Variants in LINGO2 observed in about 807,000 individuals in gnomAD.
LINGO2 encodes the protein leucine rich repeat and Ig domain containing 2.
In LINGO2, 14 loss-of-function variants were observed where a neutral mutation model predicts 30.6. That is an observed-to-expected ratio of 0.46 (90% CI 0.30 to 0.72). The LOEUF (loss-of-function observed/expected upper bound fraction) is 0.72, where lower values mean the gene tolerates loss of function less well. Among genes scored for constraint, LINGO2 ranks in the 30% least tolerant of loss-of-function variants. LINGO2 has a pLI of 0.07. For missense variants in LINGO2, 729 were observed against 751.7 expected (o/e 0.97, Z 0.35); for synonymous variants, 317 against 288.5 (o/e 1.10, Z -1.00).
intron 1 of LINGO2, among the ~76,000 whole-genome samples, chr9:28,565,516 C>T (rs77117071): frequency 1.6e-4 from 23 of 142,226 alleles, no homozygotes; most frequent in African/African-American, 5.6e-4. Context: ...TTTTTTTTTA[C>T]AGACATCTAG....
the LINGO2 span, among the ~76,000 whole-genome samples, chr9:28,737,090 G>C: frequency 6.6e-6 from 1 of 152,140 alleles, no homozygotes; most frequent in Non-Finnish European, 1.5e-5. Flanking sequence ...GGAAAGTTCT[G>C]GGTTCAGGCA....
chr9:28,486,727 G>A (rs896788811), intron 1 of LINGO2, among the ~76,000 whole-genome samples: 3 of 151,916 alleles, frequency 2.0e-5, no homozygotes, highest in Non-Finnish European at 4.4e-5. Context: ...AAAATCTTGG[G>A]TTGACCCTCC....
At chr9:28,402,135 T>G (rs376452032) in intron 2 of LINGO2, among the ~76,000 whole-genome samples, 1 of 152,236 alleles carries the variant, frequency 6.6e-6, no homozygotes, top group African/African-American at 2.4e-5. Context: ...TGGATACAGT[T>G]AATGTCATGC....
At chr9:28,268,831 T>C (rs1016325544) in intron 4 of LINGO2, among the ~76,000 whole-genome samples, 2 of 152,102 alleles carry the variant, frequency 1.3e-5, no homozygotes, top group African/African-American at 4.8e-5. Context: ...AAGCAATTAG[T>C]AGATTACTTT....
At chr9:29,092,886 T>A in the LINGO2 span, among the ~76,000 whole-genome samples, 1 of 136,440 alleles carries the variant, frequency 7.3e-6, no homozygotes, top group African/African-American at 2.7e-5. Flanking sequence ...GAAAAAGATG[T>A]TTATTTTTAT....
chr9:28,879,378 G>T, the LINGO2 span, among the ~76,000 whole-genome samples: 2 of 152,022 alleles, frequency 1.3e-5, no homozygotes, highest in African/African-American at 4.8e-5. Context: ...TGCTCAGTTT[G>T]GTTTTTATTC....
intron 2 of LINGO2, among the ~76,000 whole-genome samples, chr9:28,385,171 C>A (rs1302876553): frequency 6.6e-6 from 1 of 152,096 alleles, no homozygotes; most frequent in East Asian, 1.9e-4. Flanking sequence ...GTTTTTATGG[C>A]CAATCTTAAA....
the LINGO2 span, among the ~76,000 whole-genome samples, chr9:29,083,586 T>TAA: frequency 6.9e-6 from 1 of 145,698 alleles, no homozygotes; most frequent in Non-Finnish European, 1.5e-5. Flanking sequence ...ATAATAATAA[T>TAA]AAAAAAAAGA....
chr9:28,859,810 C>T, the LINGO2 span, among the ~76,000 whole-genome samples: 1 of 151,556 alleles, frequency 6.6e-6, no homozygotes, highest in Non-Finnish European at 1.5e-5. Flanking sequence ...GTGCAGTACA[C>T]CAGGAACTGT....
rs186889356 is a variant in LINGO2, at chr9:28,320,878, G to A, written c.-245-25512C>T. ...TTATCATGGCAGGACACTGAAACTC[G>A]GGGAGCACTTTTAGCTAGCTTCAAA... On this transcript the variant is annotated intron_variant, in intron 3 of 5. Coordinates refer to ENST00000379992, the Ensembl canonical transcript of LINGO2. Among the ~76,000 whole-genome samples, 12 of 152,174 alleles carry A rather than the reference G, an allele frequency of 7.9e-5. No homozygotes were observed. The East Asian group carries it at 1.4e-3, about 17-fold the overall frequency.
intron 4 of LINGO2, among the ~76,000 whole-genome samples, chr9:28,015,742 T>G (rs1822797569): frequency 6.6e-6 from 1 of 152,014 alleles, no homozygotes. Flanking sequence ...TTTGTCCCTT[T>G]TCTACCCTCA....
At chr9:28,704,255 C>G in the LINGO2 span, among the ~76,000 whole-genome samples, 1 of 151,998 alleles carries the variant, frequency 6.6e-6, no homozygotes. Context: ...CCATTCTCTT[C>G]TTGCTTGCAA....
chr9:28,938,575 C>T, the LINGO2 span, among the ~76,000 whole-genome samples: 1 of 152,214 alleles, frequency 6.6e-6, no homozygotes, highest in East Asian at 1.9e-4. Flanking sequence ...TAACCATCAA[C>T]TTGGCACAAT....
intron 1 of LINGO2, among the ~76,000 whole-genome samples, chr9:28,631,903 C>A (rs556561765): frequency 6.6e-6 from 1 of 152,136 alleles, no homozygotes; most frequent in Non-Finnish European, 1.5e-5. Flanking sequence ...ATGTGTTAAG[C>A]TACTATGAAC....
At chr9:29,168,305 T>C in the LINGO2 span, among the ~76,000 whole-genome samples, 1 of 152,188 alleles carries the variant, frequency 6.6e-6, no homozygotes, top group Non-Finnish European at 1.5e-5. Flanking sequence ...TATTTGTATG[T>C]TTGATGTAAT....
intron 2 of LINGO2, among the ~76,000 whole-genome samples, chr9:28,386,344 T>C (rs10812793): frequency 0.34 from 52,179 of 152,024 alleles, 10,201 homozygotes; most frequent in Non-Finnish European, 0.42. Flanking sequence ...GAGACCCCTG[T>C]CTTTGTGTGG....
chr9:28,355,742 G>A (rs371492050), intron 3 of LINGO2, among the ~76,000 whole-genome samples: 6 of 152,188 alleles, frequency 3.9e-5, no homozygotes, highest in South Asian at 4.1e-4. Flanking sequence ...TTGCTTTTGC[G>A]TAGTATCTGT....
At chr9:28,766,662 T>C in the LINGO2 span, among the ~76,000 whole-genome samples, 1 of 152,034 alleles carries the variant, frequency 6.6e-6, no homozygotes, top group East Asian at 1.9e-4. Context: ...ACCTAAGATA[T>C]AAAATTACCT....
At chr9:28,008,465 T>C (rs1028844996) in intron 5 of LINGO2, among the ~76,000 whole-genome samples, 1 of 135,256 alleles carries the variant, frequency 7.4e-6, no homozygotes, top group African/African-American at 2.6e-5. Context: ...CTGAAGATTC[T>C]ACTCAAGACA....
Sources: allele counts gnomAD v4.1 joint callset (sites outside exome capture counted in the v4.1 genomes callset), GRCh38; gene constraint gnomAD v4.1.1; transcripts MANE v1.5; gene names NCBI Gene and HGNC (gene_info 2026-07-23, HGNC 2026-07-21).